Variants in IL2 observed in about 807,000 individuals in gnomAD.
The protein encoded by IL2 is interleukin-2.
A neutral mutation model predicts 14.6 loss-of-function variants in IL2; 3 were observed. The ratio of observed to expected loss-of-function variants is 0.21; its 90% CI spans 0.09 to 0.53. The LOEUF (loss-of-function observed/expected upper bound fraction) is 0.53. Among genes scored for constraint, IL2 ranks in the 20% least tolerant of loss-of-function variants. The pLI is 0.95. For synonymous variants in IL2, 71 were observed against 60.0 expected (o/e 1.18, Z -0.85); for missense variants, 125 against 170.8 (o/e 0.73, Z 1.50).
In IL2 at chr4:122,456,345, T is replaced by C; in HGVS notation, c.96A>G (p.Leu32=). ...AATCCAGCAGTAAATGCTCCAGTTG[T>C]AGCTGTGTTTTCTTTGTAGAACTTG... ...PTSSSTKKTQ[L]QLEHLLLDLQ... The change falls in exon 1 of 4, where the codon CTA becomes CTG. Residue 32 remains leucine (L), a synonymous_variant. Transcript: ENST00000226730. 1 of 1,611,868 alleles carries C rather than the reference T, an allele frequency of 6.2e-7. No homozygotes were observed. Among genetic ancestry groups the C allele is most frequent in the Non-Finnish European group, 8.5e-7 (1 of 1,178,416 alleles).
chr4:122,454,585 T>C (rs1023866434), intron 2 of IL2, among the ~76,000 whole-genome samples: 2 of 151,930 alleles, frequency 1.3e-5, no homozygotes, highest in East Asian at 3.9e-4. Flanking sequence ...CTTCTCACAG[T>C]CATCTTTTGA....
intron 3 of IL2, among the ~76,000 whole-genome samples, chr4:122,452,320 C>T (rs1460274905): frequency 1.3e-5 from 2 of 151,962 alleles, no homozygotes; most frequent in Non-Finnish European, 2.9e-5. Flanking sequence ...AAGTGAATCT[C>T]CTTATATTTT....
At chr4:122,453,635 C>A in intron 3 of IL2, 75 bp downstream of exon 3, 1 of 1,281,982 alleles carries the variant, frequency 7.8e-7, no homozygotes. Context: ...AATGTTATGT[C>A]ACTTTAAAAT....
In IL2 at chr4:122,456,498, T is replaced by A. The variant is rs1049865826; in HGVS notation, c.-58A>T. 1.1e-5 allele frequency: 15 copies of A among 1,362,368 alleles called. No homozygotes were observed. The highest frequency in any genetic ancestry group is 1.9e-4 in the Middle Eastern group (1 of 5,382). The allele number at this position is 1,362,368 out of a possible 1,614,324, so 84.4% of individuals were successfully genotyped here. A position where few individuals can be genotyped will look rare whatever the true frequency, so the allele number is the denominator to read the frequency against. ...ATTAAAGAGAGTGATAGGGAACTCTTGAACAAGAGATGCAATTTATACTGT... is the reference window on the plus strand; with the variant it reads ...ATTAAAGAGAGTGATAGGGAACTCTAGAACAAGAGATGCAATTTATACTGT... On this transcript the variant is annotated 5_prime_UTR_variant, in exon 1 of 4. Transcript: ENST00000226730.
intron 2 of IL2, 111 bp downstream of exon 2, chr4:122,456,033 T>A: frequency 2.8e-6 from 2 of 704,686 alleles, no homozygotes; most frequent in African/African-American, 1.8e-5. Flanking sequence ...AAAAAACAAA[T>A]TAAAGTTACT....
At chr4:122,456,099 T>C in intron 2 of IL2, 45 bp downstream of exon 2, 1 of 1,388,366 alleles carries the variant, frequency 7.2e-7, no homozygotes, top group Non-Finnish European at 1.0e-6. Flanking sequence ...CATATTACTT[T>C]GAATTTTATT....
chr4:122,456,518 TA>T lies in IL2; in HGVS notation c.-79del. 2 of 1,148,242 alleles carry T rather than the reference TA, an allele frequency of 1.7e-6. No homozygotes were observed. The highest frequency in any genetic ancestry group is 3.3e-5 in the South Asian group (2 of 60,506). The allele number at this position is 1,148,242 out of a possible 1,614,324, so 71.1% of individuals were successfully genotyped here. A position where few individuals can be genotyped will look rare whatever the true frequency, so the allele number is the denominator to read the frequency against. On this transcript the variant is annotated 5_prime_UTR_variant, in exon 1 of 4. Transcript: ENST00000226730. ...ACTCTTGAACAAGAGATGCAATTTA[TA>T]CTGTTAATTCTGGAAAAATATTATG...
chr4:122,455,868 C>A (rs1349076625), intron 2 of IL2, among the ~76,000 whole-genome samples: 2 of 151,716 alleles, frequency 1.3e-5, no homozygotes, highest in Admixed American at 6.6e-5. Flanking sequence ...TTAAATGAAA[C>A]CATAAATGAA....
rs1016159924 is a variant in IL2 at position 122,451,809 on chromosome 4, T to G, written c.405A>C (p.Val135=). The G allele has an allele frequency of 1.3e-6, 2 of 1,596,382 alleles. No individual in the cohort carries two copies. The highest frequency in any genetic ancestry group is 1.7e-6 in the Non-Finnish European group (2 of 1,170,136). The part of the protein sequence containing the change: ...CEYADETATI[V]EFLNRWITFC... ...AGGTAATCCATCTGTTCAGAAATTC[T>G]ACAATGGTTGCTGTCTCATCAGCAT... Residue 135 remains valine, a synonymous_variant, in exon 4 of 4, where the codon GTA becomes GTC. Transcript: ENST00000226730.
In IL2 at chr4:122,451,753, C is replaced by T. The variant is rs1797678369; in HGVS notation, c.461G>A (p.Ter154=). The change falls in exon 4 of 4, where the codon TGA becomes TAA. Residue 154 remains the stop codon, a stop_retained_variant. Transcript: ENST00000226730. ...TTTTAAGTGGGAAGCACTTAATTATCAAGTCAGTGTTGAGATGATGCTTTG... is the reference window on the plus strand; with the variant it reads ...TTTTAAGTGGGAAGCACTTAATTATTAAGTCAGTGTTGAGATGATGCTTTG... ...FCQSIISTLT[*] 7.1e-7 allele frequency: 1 copy of T among 1,413,274 alleles called. No individual in the cohort carries two copies. Among genetic ancestry groups the T allele is most frequent in the Non-Finnish European group, 9.6e-7 (1 of 1,039,878 alleles). 87.5% of individuals were successfully genotyped at this position (1,413,274 alleles called of 1,614,324 possible). A position where few individuals can be genotyped will look rare whatever the true frequency, so the allele number is the denominator to read the frequency against.
rs760028706 is a variant in IL2, at chr4:122,456,156, G to A, written c.195C>T (p.Tyr65=). 1.2e-6 allele frequency: 2 copies of A among 1,603,766 alleles called. No homozygotes were observed. The highest frequency in any genetic ancestry group is 1.1e-5 in the South Asian group (1 of 90,804). Residue 65 remains tyrosine, a synonymous_variant, in exon 2 of 4, where the codon TAC becomes TAT. Transcript: ENST00000226730. ...KLTRMLTFKF[Y]MPKKATELKH... ...ATATTGTACTTACCTTCTTGGGCAT[G>A]TAAAACTTAAATGTGAGCATCCTGG...
chr4:122,453,952 C>G, intron 2 of IL2, 99 bp from the exon 3 acceptor site: 5 of 1,057,426 alleles, frequency 4.7e-6, no homozygotes, highest in Non-Finnish European at 6.8e-6. Flanking sequence ...GTAGTTTTTA[C>G]CATTCTCTCT....
chr4:122,453,631 A>T, intron 3 of IL2, 79 bp downstream of exon 3: 3 of 1,236,372 alleles, frequency 2.4e-6, no homozygotes, highest in Middle Eastern at 2.1e-4. Flanking sequence ...CAAAAATGTT[A>T]TGTCACTTTA....
At chr4:122,453,628 G>A (rs1797698299) in intron 3 of IL2, 82 bp downstream of exon 3, 1 of 1,219,768 alleles carries the variant, frequency 8.2e-7, no homozygotes, top group African/African-American at 1.5e-5. Flanking sequence ...TACCAAAAAT[G>A]TTATGTCACT....
At chr4:122,451,901 A>G (rs55752906) in intron 3 of IL2, 39 bp from the exon 4 acceptor site, 47 of 1,049,590 alleles carry the variant, frequency 4.5e-5, no homozygotes, top group South Asian at 4.4e-4. Flanking sequence ...AGTACAGAGT[A>G]GTTTACCTTA....
intron 2 of IL2, 64 bp from the exon 3 acceptor site, chr4:122,453,917 T>C: frequency 1.4e-6 from 2 of 1,421,794 alleles, no homozygotes; most frequent in Admixed American, 2.1e-5. Flanking sequence ...TAATTTCCAA[T>C]TTATTTTATT....
intron 3 of IL2, among the ~76,000 whole-genome samples, chr4:122,453,156 T>C (rs1362825229): frequency 6.6e-6 from 1 of 151,998 alleles, no homozygotes; most frequent in East Asian, 1.9e-4. Context: ...GCATATTTTA[T>C]GCTTCCTGTG....
chr4:122,453,659 C>T (rs761842483), intron 3 of IL2, 51 bp downstream of exon 3: 3 of 1,437,182 alleles, frequency 2.1e-6, no homozygotes, highest in East Asian at 2.3e-5. Flanking sequence ...GTACTTTTCC[C>T]CCTACTTTTT....
intron 3 of IL2, 88 bp from the exon 4 acceptor site, chr4:122,451,950 G>C: frequency 4.4e-6 from 2 of 456,674 alleles, no homozygotes; most frequent in Non-Finnish European, 7.6e-6. Context: ...TAGGCCTGTT[G>C]CCTTTATTTT....
Sources: gnomAD v4.1 joint callset for allele counts (sites outside exome capture counted in the v4.1 genomes callset) on GRCh38, gnomAD v4.1.1 for gene constraint, MANE v1.5 for transcripts, NCBI Gene and HGNC (gene_info 2026-07-23, HGNC 2026-07-21) for gene names.